Variants in MRPS14 observed in about 807,000 individuals in gnomAD.
MRPS14 encodes the protein mitochondrial ribosomal protein S14, also known as small ribosomal subunit protein uS14m.
Under a neutral mutation model 16.4 loss-of-function variants are expected in MRPS14, and 14 were observed. The observed-to-expected ratio is 0.85, with a 90% CI of 0.56 to 1.33. MRPS14 has a LOEUF of 1.33. Ranked by LOEUF, MRPS14 falls within the 40% of genes most tolerant of loss-of-function variation. The probability of loss-of-function intolerance (pLI) is 0.00; values close to 1 mark genes in which losing one functional copy is unlikely to be tolerated. For missense variants in MRPS14, 162 were observed against 176.8 expected (o/e 0.92, Z 0.48); for synonymous variants, 54 against 61.9 (o/e 0.87, Z 0.60).
chr1:175,018,546 G>T lies in MRPS14; in HGVS notation c.76C>A (p.Arg26=). The T allele has an allele frequency of 6.2e-7, 1 of 1,603,196 alleles. No individual in the cohort carries two copies. The highest frequency in any genetic ancestry group is 8.5e-7 in the Non-Finnish European group (1 of 1,177,178). Residue 26 remains arginine (R), a synonymous_variant, in exon 2 of 3, where the codon CGA becomes AGA. Transcript: ENST00000476371. ...MVPSSASGQV[R]SHYVDWRMWR... ...ATTCTCCAGTCTACATAGTGACTTC[G>T]AACTTGGCCTGAAGCTGATGAAGGA...
intron 2 of MRPS14, among the ~76,000 whole-genome samples, chr1:175,016,414 G>A (rs2149414483): frequency 6.6e-6 from 1 of 152,214 alleles, no homozygotes; most frequent in Non-Finnish European, 1.5e-5. Flanking sequence ...TACAAATGAG[G>A]AAACTGGGGC....
chr1:175,023,166 G>A (rs1673011354), intron 1 of MRPS14, 198 bp downstream of exon 1: 2 of 1,335,596 alleles, frequency 1.5e-6, no homozygotes, highest in Non-Finnish European at 2.0e-6. Context: ...ATACCAGTTA[G>A]TCATATGCTT....
intron 1 of MRPS14, chr1:175,022,633 C>T (rs567857543): frequency 2.6e-5 from 4 of 152,280 alleles, no homozygotes; most frequent in Admixed American, 2.6e-4. Context: ...CTTCCCTCTT[C>T]TACATCATCA....
chr1:175,018,455 G>C lies in MRPS14; in HGVS notation c.167C>G (p.Ser56Ter). 1 of 1,607,532 alleles carries C rather than the reference G, an allele frequency of 6.2e-7. No homozygotes were observed. Among genetic ancestry groups the C allele is most frequent in the East Asian group, 2.2e-5 (1 of 44,764 alleles). The change falls in exon 2 of 3, where the codon TCA becomes TGA. Residue 56 changes from serine to a stop codon, truncating the protein, a stop_gained. Coordinates refer to ENST00000476371, the MANE Select transcript of MRPS14 (RefSeq NM_022100.3). LOFTEE classifies it high-confidence loss of function. ...TGGCAAAATGGTATTCTTCCTGAGTGAATTAATACGTAGCCTCTCATCTGC... is the reference window on the plus strand; with the variant it reads ...TGGCAAAATGGTATTCTTCCTGAGTCAATTAATACGTAGCCTCTCATCTGC... The part of the protein sequence containing the change: ...EYADERLRIN[S>*]LRKNTILPKI...
chr1:175,016,519 C>T (rs1311420527), intron 2 of MRPS14, among the ~76,000 whole-genome samples: 1 of 152,128 alleles, frequency 6.6e-6, no homozygotes, highest in Non-Finnish European at 1.5e-5. Flanking sequence ...TTGTAAGCTA[C>T]TTGGCAGGCA....
intron 1 of MRPS14, chr1:175,023,133 C>A: frequency 2.0e-6 from 2 of 1,012,994 alleles, no homozygotes; most frequent in East Asian, 2.7e-5. Flanking sequence ...CCTTACAAAT[C>A]GGAGTCAATC....
rs1199859379 is a variant in MRPS14 at position 175,014,637 on chromosome 1, T to C, written c.*32A>G. The C allele has an allele frequency of 1.3e-6, 2 of 1,562,304 alleles. No homozygotes were observed. The highest frequency in any genetic ancestry group is 1.4e-5 in the African/African-American group (1 of 72,322). ...GCTTGCTGGAACTGCAAGCTTGGCT[T>C]CCCTGCAAGCTCAATAGGTTCTGGA... is the stretch of plus-strand genomic sequence containing the variant. On this transcript the variant is annotated 3_prime_UTR_variant, in exon 3 of 3. Coordinates refer to ENST00000476371, the MANE Select transcript of MRPS14 (RefSeq NM_022100.3).
chr1:175,013,543 C>T lies in MRPS14; in HGVS notation c.*1126G>A, dbSNP rs978117573. ...TAGTTCAGGCCTTCATCTTCCTCAA[C>T]AACTAAGACATCCTCCTAACTGGTT... On this transcript the variant is annotated 3_prime_UTR_variant, in exon 3 of 3. Coordinates refer to ENST00000476371, the MANE Select transcript of MRPS14 (RefSeq NM_022100.3). 1.6e-4 allele frequency: 24 copies of T among 152,238 alleles called. No homozygotes were observed. The highest frequency in any genetic ancestry group is 5.3e-4 in the African/African-American group (22 of 41,454). 9.4% of individuals were successfully genotyped at this position (152,238 alleles called of 1,614,324 possible). A position where few individuals can be genotyped will look rare whatever the true frequency, so the allele number is the denominator to read the frequency against.
At chr1:175,019,448 T>C (rs1177594423) in intron 1 of MRPS14, among the ~76,000 whole-genome samples, 4 of 148,528 alleles carry the variant, frequency 2.7e-5, no homozygotes, top group Admixed American at 2.6e-4. Context: ...CACCTGGCTG[T>C]TTTTTTTGTT....
At chr1:175,017,029 G>A (rs1010194724) in intron 2 of MRPS14, among the ~76,000 whole-genome samples, 2 of 151,168 alleles carry the variant, frequency 1.3e-5, no homozygotes, top group African/African-American at 2.4e-5. Context: ...TCAATGTCTT[G>A]AGCTCAGTTT....
rs1672837969 is a variant in MRPS14 at position 175,014,187 on chromosome 1, A to G, written c.*482T>C. On this transcript the variant is annotated 3_prime_UTR_variant, in exon 3 of 3. Coordinates refer to ENST00000476371, the MANE Select transcript of MRPS14 (RefSeq NM_022100.3). ...AGAAGTGGAGCATTAGATAATCCAG[A>G]ACAGCAGCCTTGCTATCCAATCTGT... 5.6e-6 allele frequency: 1 copy of G among 177,650 alleles called. No individual in the cohort carries two copies. Among genetic ancestry groups the G allele is most frequent in the Admixed American group, 6.2e-5 (1 of 16,002 alleles). The allele number at this position is 177,650 out of a possible 1,614,324, so 11.0% of individuals were successfully genotyped here.
intron 1 of MRPS14, among the ~76,000 whole-genome samples, chr1:175,021,640 C>T (rs1672978899): frequency 1.3e-5 from 2 of 152,166 alleles, no homozygotes; most frequent in South Asian, 4.1e-4. Flanking sequence ...GCCTGAATTC[C>T]ATTGTTCTAT....
chr1:175,018,151 G>GGGAGA lies in MRPS14; in HGVS notation c.204+262_204+266dup, dbSNP rs1672916949. On this transcript the variant is annotated intron_variant, in intron 2 of 2. Transcript: ENST00000476371. ...AAAAAAAAAAATTGGGATGAAGTCA[G>GGGAGA]GGAGAGACCTTAGGTGAAAATAACC... Among the ~76,000 whole-genome samples the GGGAGA allele has an allele frequency of 3.3e-5, 5 of 152,046 alleles. No individual in the cohort carries two copies. In the South Asian group the frequency reaches 8.3e-4, roughly 25 times the overall value.
At chr1:175,019,099 T>C (rs1340003048) in intron 1 of MRPS14, among the ~76,000 whole-genome samples, 2 of 152,194 alleles carry the variant, frequency 1.3e-5, no homozygotes, top group South Asian at 4.1e-4. Flanking sequence ...AATAACTGAA[T>C]GTAAAAAGCT....
At chr1:175,019,100 G>A (rs895682846) in intron 1 of MRPS14, among the ~76,000 whole-genome samples, 11 of 152,026 alleles carry the variant, frequency 7.2e-5, no homozygotes, top group Non-Finnish European at 1.2e-4. Context: ...ATAACTGAAT[G>A]TAAAAAGCTT....
intron 1 of MRPS14, among the ~76,000 whole-genome samples, chr1:175,020,082 C>T (rs1311736287): frequency 6.6e-6 from 1 of 152,138 alleles, no homozygotes; most frequent in Non-Finnish European, 1.5e-5. Context: ...ATTGATGTGG[C>T]ATATGACTGA....
chr1:175,015,538 C>A (rs1672865891), intron 2 of MRPS14, among the ~76,000 whole-genome samples: 1 of 151,898 alleles, frequency 6.6e-6, no homozygotes, highest in Non-Finnish European at 1.5e-5. Flanking sequence ...AAGATTCTGA[C>A]AGCTAGAGAA....
chr1:175,018,343 C>G (rs1672918859), intron 2 of MRPS14, 75 bp downstream of exon 2: 2 of 1,342,022 alleles, frequency 1.5e-6, no homozygotes, highest in Non-Finnish European at 2.0e-6. Flanking sequence ...CAAGTCACAA[C>G]AAACAGTATC....
At position 175,013,419 on chromosome 1, in the gene MRPS14, C is replaced by T. The variant is rs1006016480; in HGVS notation, c.*1250G>A. 3 of 152,218 alleles carry T rather than the reference C, an allele frequency of 2.0e-5. No individual in the cohort carries two copies. The highest frequency in any genetic ancestry group is 4.1e-4 in the South Asian group (2 of 4,836). The allele number at this position is 152,218 out of a possible 1,614,324, so 9.4% of individuals were successfully genotyped here. ...TTTTATCAGGAACCCAGAGAACCAT[C>T]TTTACCTCTTAGATATAATCAGTCT... is the stretch of plus-strand genomic sequence containing the variant. On this transcript the variant is annotated 3_prime_UTR_variant, in exon 3 of 3. Coordinates refer to ENST00000476371, the MANE Select transcript of MRPS14 (RefSeq NM_022100.3).
Sources: gnomAD v4.1 joint callset for allele counts (sites outside exome capture counted in the v4.1 genomes callset) on GRCh38, gnomAD v4.1.1 for gene constraint, MANE v1.5 for transcripts, NCBI Gene and HGNC (gene_info 2026-07-23, HGNC 2026-07-21) for gene names.